Variants in PCDH15 observed in about 807,000 individuals in gnomAD.
PCDH15 encodes protocadherin related 15.
PCDH15 carries 129 observed loss-of-function variants against 178.5 expected under a neutral mutation model. The ratio of observed to expected loss-of-function variants is 0.72; its 90% CI spans 0.63 to 0.84. The LOEUF is 0.84. PCDH15 is among the 40% of genes least tolerant of loss of function. PCDH15 has a pLI of 0.00. For synonymous variants in PCDH15, 800 were observed against 732.0 expected (o/e 1.09, Z -1.50); for missense variants, 2,230 against 2,099.9 (o/e 1.06, Z -1.21).
intron 2 of PCDH15, among the ~76,000 whole-genome samples, chr10:55,133,092 G>T (rs1838097456): frequency 1.3e-5 from 2 of 152,290 alleles, no homozygotes; most frequent in East Asian, 3.9e-4. Flanking sequence ...ATTGATGCTT[G>T]ATCATTCACT....
intron 1 of PCDH15, among the ~76,000 whole-genome samples, chr10:54,737,272 T>A (rs1944245207): frequency 6.6e-6 from 1 of 152,102 alleles, no homozygotes; most frequent in Admixed American, 6.6e-5. Flanking sequence ...AAGTGGCACA[T>A]AAGAGGTGTC....
At chr10:54,186,804 T>C (rs1403921991) in intron 11 of PCDH15, among the ~76,000 whole-genome samples, 5 of 151,988 alleles carry the variant, frequency 3.3e-5, no homozygotes, top group African/African-American at 1.2e-4. Context: ...AAGCGGGATA[T>C]TCTAAAAAAT....
At chr10:55,017,482 T>C (rs1166119848) in intron 2 of PCDH15, among the ~76,000 whole-genome samples, 1 of 152,088 alleles carries the variant, frequency 6.6e-6, no homozygotes, top group Non-Finnish European at 1.5e-5. Flanking sequence ...AGATTAAAGA[T>C]GAGATAATTG....
intron 2 of PCDH15, among the ~76,000 whole-genome samples, chr10:54,975,051 A>C (rs143769902): frequency 4.6e-5 from 7 of 152,294 alleles, no homozygotes; most frequent in African/African-American, 1.4e-4. Context: ...ACACACCCTA[A>C]AAGTGACTAA....
rs113093011 is a variant in PCDH15 at position 53,810,440 on chromosome 10, C to T, written c.4671+116G>A. 1,319 of 849,912 alleles carry T rather than the reference C, an allele frequency of 1.6e-3. 13 individuals are homozygous for T. Among genetic ancestry groups the T allele is most frequent in the African/African-American group, 0.011 (685 of 59,578 alleles). The allele number at this position is 849,912 out of a possible 1,614,324, so 52.6% of individuals were successfully genotyped here. ...CACTGTGAAATTTCTATGGGAAATA[C>T]GTACTAAGTGAAAGGAATTTCTAAA... On this transcript the variant is annotated intron_variant, in intron 37 of 37. Transcript: ENST00000644397.
At chr10:53,928,385 T>G (rs1029889625) in intron 25 of PCDH15, among the ~76,000 whole-genome samples, 2 of 152,010 alleles carry the variant, frequency 1.3e-5, no homozygotes, top group Admixed American at 1.3e-4. Context: ...AAAACCAATC[T>G]AATAACTATG....
chr10:54,894,083 T>C (rs1385696714), intron 3 of PCDH15, among the ~76,000 whole-genome samples: 1 of 152,144 alleles, frequency 6.6e-6, no homozygotes, highest in Non-Finnish European at 1.5e-5. Context: ...GACATGATCA[T>C]TTTACTTATT....
chr10:54,674,304 TTGA>T lies in PCDH15; in HGVS notation c.-28-10017_-28-10015del, dbSNP rs1474887362. 5.9e-5 allele frequency among the ~76,000 whole-genome samples: 9 copies of T among 152,310 alleles called. No individual in the cohort carries two copies. In the South Asian group the frequency reaches 1.4e-3, roughly 25 times the overall value. On this transcript the variant is annotated intron_variant, in intron 1 of 37. Coordinates refer to ENST00000644397, the MANE Select transcript of PCDH15 (RefSeq NM_001384140.1). ...GAATATTTTTTGAGTATGATAGATG[TTGA>T]TATTATTGAAATCATTAGATATGCT...
At chr10:55,191,525 C>T (rs1169703760) in intron 1 of PCDH15, among the ~76,000 whole-genome samples, 1 of 151,816 alleles carries the variant, frequency 6.6e-6, no homozygotes. Context: ...ACCTGGTTTG[C>T]TATCAGATCT....
At chr10:55,570,179 A>G (rs1842380151) in intron 2 of PCDH15, among the ~76,000 whole-genome samples, 1 of 151,978 alleles carries the variant, frequency 6.6e-6, no homozygotes, top group African/African-American at 2.4e-5. Context: ...TTCATGTTGC[A>G]TTTTTTGACA....
At chr10:54,664,367 C>G in intron 1 of PCDH15, 77 bp from the exon 2 acceptor site, 1 of 922,144 alleles carries the variant, frequency 1.1e-6, no homozygotes, top group Non-Finnish European at 1.7e-6. Context: ...TGTCACAGCA[C>G]AGAAAAGCCT....
intron 3 of PCDH15, among the ~76,000 whole-genome samples, chr10:54,415,957 A>T (rs7898139): frequency 0.79 from 120,150 of 151,484 alleles, 48,422 homozygotes; most frequent in East Asian, 0.97. Context: ...AATATTTTTT[A>T]AAAAATCGAC....
At chr10:55,275,006 A>T (rs1274085525) in intron 1 of PCDH15, among the ~76,000 whole-genome samples, 1 of 152,208 alleles carries the variant, frequency 6.6e-6, no homozygotes, top group East Asian at 1.9e-4. Context: ...CTAAAAAATT[A>T]TAGAGTCCCA....
At chr10:54,247,045 C>A in intron 8 of PCDH15, among the ~76,000 whole-genome samples, 1 of 151,960 alleles carries the variant, frequency 6.6e-6, no homozygotes, top group South Asian at 2.1e-4. Context: ...AGTCATTTAT[C>A]AGCTTAATGT....
chr10:55,101,977 C>A (rs892503618), intron 2 of PCDH15, among the ~76,000 whole-genome samples: 1 of 151,468 alleles, frequency 6.6e-6, no homozygotes, highest in African/African-American at 2.4e-5. Context: ...TGTATTAAAT[C>A]CACTGCGATG....
intron 3 of PCDH15, among the ~76,000 whole-genome samples, chr10:54,512,621 A>G (rs1261645573): frequency 6.6e-6 from 1 of 152,160 alleles, no homozygotes; most frequent in East Asian, 1.9e-4. Flanking sequence ...GCAAACTCAC[A>G]TAACATATTG....
chr10:54,347,537 T>C (rs1943498363), intron 5 of PCDH15, among the ~76,000 whole-genome samples: 1 of 152,158 alleles, frequency 6.6e-6, no homozygotes, highest in Non-Finnish European at 1.5e-5. Flanking sequence ...GATTCCTTGA[T>C]GGTAAAAATA....
intron 1 of PCDH15, among the ~76,000 whole-genome samples, chr10:55,243,479 G>C (rs971141018): frequency 6.6e-6 from 1 of 152,122 alleles, no homozygotes; most frequent in Non-Finnish European, 1.5e-5. Context: ...ACCACATTCT[G>C]TTGTTACAGA....
chr10:53,819,637 A>C (rs1409069150), intron 33 of PCDH15, among the ~76,000 whole-genome samples: 1 of 152,032 alleles, frequency 6.6e-6, no homozygotes, highest in Non-Finnish European at 1.5e-5. Context: ...CTTTATTTAA[A>C]AGGTATCTAA....
Sources: allele counts gnomAD v4.1 joint callset (sites outside exome capture counted in the v4.1 genomes callset), GRCh38; gene constraint gnomAD v4.1.1; transcripts MANE v1.5; gene names NCBI Gene and HGNC (gene_info 2026-07-23, HGNC 2026-07-21).